The following MARCHF4 variants were observed in gnomAD, a reference collection of about 807,000 sequenced individuals.
MARCHF4 encodes the protein E3 ubiquitin-protein ligase MARCHF4.
Under a neutral mutation model 43.9 loss-of-function variants are expected in MARCHF4, and 14 were observed. The observed-to-expected ratio is 0.32, with a 90% CI of 0.21 to 0.50. The LOEUF (loss-of-function observed/expected upper bound fraction) is 0.50, where lower values mean the gene tolerates loss of function less well. Ranked by LOEUF, MARCHF4 falls within the 20% of genes least tolerant of loss-of-function variation. The pLI is 0.98. For synonymous variants in MARCHF4, 226 were observed against 213.3 expected (o/e 1.06, Z -0.52); for missense variants, 468 against 536.7 (o/e 0.87, Z 1.27).
chr2:216,361,785 T>G (rs1186330988), intron 1 of MARCHF4, among the ~76,000 whole-genome samples: 1 of 152,180 alleles, frequency 6.6e-6, no homozygotes, highest in East Asian at 1.9e-4. Context: ...ACATCTGATT[T>G]TTTAAAGACT....
chr2:216,301,647 C>T (rs1452398395), intron 1 of MARCHF4, among the ~76,000 whole-genome samples: 4 of 152,144 alleles, frequency 2.6e-5, no homozygotes, highest in Non-Finnish European at 5.9e-5. Flanking sequence ...GTCCTTTCTG[C>T]CATGGCAATT....
intron 3 of MARCHF4, among the ~76,000 whole-genome samples, chr2:216,262,625 A>G (rs547051855): frequency 1.3e-4 from 20 of 152,138 alleles, no homozygotes; most frequent in Non-Finnish European, 1.3e-4. Flanking sequence ...GTTACTAGCA[A>G]TTATGAATCT....
intron 1 of MARCHF4, among the ~76,000 whole-genome samples, chr2:216,292,662 T>C (rs1691326344): frequency 6.6e-6 from 1 of 152,200 alleles, no homozygotes; most frequent in African/African-American, 2.4e-5. Context: ...CACAACCAAC[T>C]TTATTGGCAC....
At position 216,320,038 on chromosome 2, in the gene MARCHF4, G is replaced by C. The variant is rs148983293; in HGVS notation, c.517-36309C>G. ...AATCATTAGTCAATGCCTTGGTTGA[G>C]TGTTTCTTCCTCTCCCCAGTGTGAT... On this transcript the variant is annotated intron_variant, in intron 1 of 3. Coordinates refer to ENST00000273067, the MANE Select transcript of MARCHF4 (RefSeq NM_020814.3). 4.3e-4 allele frequency among the ~76,000 whole-genome samples: 66 copies of C among 152,236 alleles called. No individual in the cohort carries two copies. In the East Asian group the frequency reaches 0.013, roughly 29 times the overall value.
intron 1 of MARCHF4, among the ~76,000 whole-genome samples, chr2:216,329,963 C>T (rs964174613): frequency 6.6e-6 from 1 of 151,762 alleles, no homozygotes; most frequent in Non-Finnish European, 1.5e-5. Flanking sequence ...GCACACCTGT[C>T]GTCCTAGCTA....
At chr2:216,302,622 G>A (rs537744002) in intron 1 of MARCHF4, among the ~76,000 whole-genome samples, 1 of 152,076 alleles carries the variant, frequency 6.6e-6, no homozygotes, top group South Asian at 2.1e-4. Flanking sequence ...TTTAGGCCGG[G>A]TGTGGTGGTT....
At chr2:216,319,058 G>A (rs191136830) in intron 1 of MARCHF4, among the ~76,000 whole-genome samples, 24 of 152,068 alleles carry the variant, frequency 1.6e-4, no homozygotes, top group East Asian at 7.7e-4. Context: ...CTGTAATGCC[G>A]GCACTTTGCG....
chr2:216,357,381 A>G (rs776519297), intron 1 of MARCHF4, among the ~76,000 whole-genome samples: 3 of 152,140 alleles, frequency 2.0e-5, no homozygotes, highest in Non-Finnish European at 4.4e-5. Context: ...GGAGTGCAGT[A>G]GTACATCATG....
chr2:216,307,976 A>G (rs1691617266), intron 1 of MARCHF4, among the ~76,000 whole-genome samples: 2 of 152,174 alleles, frequency 1.3e-5, no homozygotes, highest in African/African-American at 4.8e-5. Context: ...GGATTGCTTG[A>G]GCCCAGGAGT....
intron 1 of MARCHF4, among the ~76,000 whole-genome samples, chr2:216,319,594 G>T (rs76608462): frequency 0.017 from 2,580 of 152,222 alleles, 66 homozygotes; most frequent in African/African-American, 0.059. Flanking sequence ...ATGCCCTATA[G>T]AGAGTTTGAT....
At chr2:216,325,839 C>T (rs555815335) in intron 1 of MARCHF4, among the ~76,000 whole-genome samples, 55 of 147,992 alleles carry the variant, frequency 3.7e-4, no homozygotes, top group African/African-American at 1.3e-3. Flanking sequence ...AAACGTTAGA[C>T]CTAAAACCAT....
At chr2:216,271,291 T>C (rs541948459) in intron 3 of MARCHF4, among the ~76,000 whole-genome samples, 1 of 152,304 alleles carries the variant, frequency 6.6e-6, no homozygotes, top group South Asian at 2.1e-4. Context: ...TGCACCTCCA[T>C]ACAATGCTAG....
At chr2:216,325,041 G>A (rs1691966389) in intron 1 of MARCHF4, among the ~76,000 whole-genome samples, 2 of 152,098 alleles carry the variant, frequency 1.3e-5, no homozygotes, top group East Asian at 1.9e-4. Context: ...GTTTGCAGAC[G>A]ACATGACTGT....
At chr2:216,297,674 C>T (rs1467359396) in intron 1 of MARCHF4, among the ~76,000 whole-genome samples, 6 of 152,186 alleles carry the variant, frequency 3.9e-5, no homozygotes, top group Non-Finnish European at 5.9e-5. Context: ...CCACCACACC[C>T]GCCTAATGTT....
At chr2:216,308,051 A>G (rs980712121) in intron 1 of MARCHF4, among the ~76,000 whole-genome samples, 1 of 149,430 alleles carries the variant, frequency 6.7e-6, no homozygotes, top group Non-Finnish European at 1.5e-5. Flanking sequence ...GCGAGACCCT[A>G]TCTCAAGAAA....
At chr2:216,351,390 T>C (rs762347856) in intron 1 of MARCHF4, 2 of 152,524 alleles carry the variant, frequency 1.3e-5, no homozygotes, top group Non-Finnish European at 2.9e-5. Flanking sequence ...AGCAGAACTA[T>C]GCCAAGAAGC....
At chr2:216,338,509 G>A (rs968775025) in intron 1 of MARCHF4, among the ~76,000 whole-genome samples, 6 of 152,096 alleles carry the variant, frequency 3.9e-5, no homozygotes, top group East Asian at 1.9e-4. Context: ...CTCAGTGGTC[G>A]CAGTTCCCAT....
rs578087475 is a variant in MARCHF4, at chr2:216,306,977, C to T, written c.517-23248G>A. ...CCTACCTCCTGTCCTCTCTCTCTCT[C>T]TCACACACACACACATACACACACA... On this transcript the variant is annotated intron_variant, in intron 1 of 3. Transcript: ENST00000273067. 2.4e-4 allele frequency among the ~76,000 whole-genome samples: 36 copies of T among 152,206 alleles called. No individual in the cohort carries two copies. In the South Asian group the frequency reaches 7.3e-3, roughly 31 times the overall value.
rs1691169636 is a variant in MARCHF4 at position 216,283,651 on chromosome 2, C to T, written c.595G>A (p.Glu199Lys). Residue 199 changes from glutamate to lysine, a missense_variant, in exon 2 of 4, where the codon GAG becomes AAG. By Grantham distance (56) the Glu-to-Lys change is moderately conservative. Around this residue, in one of 3 missense-constraint regions of MARCHF4, gnomAD observed 158 missense variants for 251.1 expected, o/e 0.63. Coordinates refer to ENST00000273067, the MANE Select transcript of MARCHF4 (RefSeq NM_020814.3). The part of the protein sequence containing the change: ...HQPCLIKWIS[E>K]RGCWSCELCY... ...AGCTCGCAGCTCCAGCAGCCCCGCT[C>T]GCTGATCCACTTGATGAGGCAAGGC... 21 of 1,613,758 alleles carry T rather than the reference C, an allele frequency of 1.3e-5. No homozygotes were observed. Among genetic ancestry groups the T allele is most frequent in the Non-Finnish European group, 1.8e-5 (21 of 1,179,750 alleles).
Sources: allele counts gnomAD v4.1 joint callset (sites outside exome capture counted in the v4.1 genomes callset), GRCh38; gene constraint gnomAD v4.1.1; regional missense constraint gnomAD v4.1.1; transcripts MANE v1.5; gene names NCBI Gene and HGNC (gene_info 2026-07-23, HGNC 2026-07-21).